Variants in CHST9 observed in about 807,000 individuals in gnomAD.
CHST9 encodes the protein carbohydrate sulfotransferase 9, also known as GalNAc-4-sulfotransferase 2.
Under a neutral mutation model 44.4 loss-of-function variants are expected in CHST9, and 41 were observed. The ratio of observed to expected loss-of-function variants is 0.92; its 90% confidence interval spans 0.72 to 1.20. The LOEUF is 1.20. CHST9 is among the 50% of genes most tolerant of loss of function. The pLI, the probability that CHST9 is intolerant of heterozygous loss-of-function variation, is 0.00. For synonymous variants in CHST9, 171 were observed against 178.4 expected, an observed-to-expected ratio of 0.96 and a Z score of 0.33; for missense variants, 504 against 516.5, an observed-to-expected ratio of 0.98 and a Z score of 0.23.
chr18:27,179,743 C>T (rs887037369), intron 1 of CHST9, among the ~76,000 whole-genome samples: 1 of 151,972 alleles, frequency 6.6e-6, no homozygotes, highest in African/African-American at 2.4e-5. Flanking sequence ...CACCAAAAGC[C>T]GAGCAATTTA....
chr18:27,008,092 G>A (rs372314544), intron 4 of CHST9, among the ~76,000 whole-genome samples: 49 of 152,250 alleles, frequency 3.2e-4, no homozygotes, highest in African/African-American at 8.7e-4. Context: ...TAGGAGGGAC[G>A]ACTCACCACT....
intron 5 of CHST9, among the ~76,000 whole-genome samples, chr18:26,923,472 A>G (rs1451722115): frequency 6.6e-6 from 1 of 152,242 alleles, no homozygotes; most frequent in East Asian, 1.9e-4. Context: ...ATTTGATTGA[A>G]GCAAAGAATA....
intron 1 of CHST9, among the ~76,000 whole-genome samples, chr18:27,184,102 A>C (rs2058935532): frequency 6.6e-6 from 1 of 152,188 alleles, no homozygotes; most frequent in Non-Finnish European, 1.5e-5. Context: ...TTATCAGAAA[A>C]ACTGCGAAAA....
chr18:27,148,217 A>T (rs944503616), intron 1 of CHST9, among the ~76,000 whole-genome samples: 2 of 152,050 alleles, frequency 1.3e-5, no homozygotes, highest in African/African-American at 4.8e-5. Flanking sequence ...ATGGCTGCAT[A>T]GTATTCCATG....
chr18:27,112,134 C>G (rs143642224), intron 2 of CHST9, among the ~76,000 whole-genome samples: 1,925 of 148,114 alleles, frequency 0.013, 46 homozygotes, highest in African/African-American at 0.044. Flanking sequence ...ATTAATAAAA[C>G]ATATAACTAT....
At chr18:27,122,768 GA>G (rs2058385716) in intron 2 of CHST9, among the ~76,000 whole-genome samples, 1 of 152,164 alleles carries the variant, frequency 6.6e-6, no homozygotes, top group Non-Finnish European at 1.5e-5. Flanking sequence ...AAATGTGCAG[GA>G]GTGCCAAGGT....
intron 2 of CHST9, among the ~76,000 whole-genome samples, chr18:27,119,229 G>A (rs575545959): frequency 1.6e-4 from 24 of 152,202 alleles, no homozygotes; most frequent in East Asian, 1.5e-3. Context: ...AATTAATAAT[G>A]TGTTCTTATA....
In CHST9 at chr18:26,916,240, T is replaced by C; in HGVS notation, c.*19A>G. The C allele has an allele frequency of 6.7e-7, 1 of 1,483,680 alleles. No individual in the cohort carries two copies. Among genetic ancestry groups the C allele is most frequent in the South Asian group, 1.2e-5 (1 of 81,614 alleles). 91.9% of individuals were successfully genotyped at this position (1,483,680 alleles called of 1,614,324 possible). On this transcript the variant is annotated 3_prime_UTR_variant, in exon 6 of 6. Coordinates refer to ENST00000618847, the MANE Select transcript of CHST9 (RefSeq NM_031422.6). ...TATCATCATTAAGTATATACAGGGT[T>C]TTAGAAAATGAATGCAAACTACAAA...
At chr18:26,975,734 T>C (rs2056614880) in intron 4 of CHST9, among the ~76,000 whole-genome samples, 1 of 29,632 alleles carries the variant, frequency 3.4e-5, no homozygotes. Flanking sequence ...TGTATATATA[T>C]ATATATATAT....
chr18:26,920,002 A>C (rs1350946531), intron 5 of CHST9, among the ~76,000 whole-genome samples: 2 of 152,086 alleles, frequency 1.3e-5, no homozygotes. Context: ...TGTTCTCCTT[A>C]AGTCTCCCTT....
chr18:27,028,270 A>G (rs1181480226), intron 3 of CHST9, among the ~76,000 whole-genome samples: 2 of 152,144 alleles, frequency 1.3e-5, no homozygotes, highest in Non-Finnish European at 2.9e-5. Context: ...AAAACATTTT[A>G]ATAGAAATAG....
At chr18:27,090,101 G>T (rs757860364) in intron 2 of CHST9, among the ~76,000 whole-genome samples, 2 of 152,074 alleles carry the variant, frequency 1.3e-5, no homozygotes, top group South Asian at 4.2e-4. Context: ...GTGAGCCACC[G>T]CGCCCAGTGT....
At chr18:26,992,284 TAG>T (rs2056826437) in intron 4 of CHST9, among the ~76,000 whole-genome samples, 1 of 131,144 alleles carries the variant, frequency 7.6e-6, no homozygotes, top group Non-Finnish European at 1.7e-5. Flanking sequence ...AAACAGATGC[TAG>T]TGAGCCTTCA....
At chr18:27,152,967 GA>G (rs2058670227) in intron 1 of CHST9, among the ~76,000 whole-genome samples, 1 of 152,136 alleles carries the variant, frequency 6.6e-6, no homozygotes, top group African/African-American at 2.4e-5. Context: ...TGTAAACTAA[GA>G]AGTGCTGAAT....
chr18:27,103,530 G>A (rs2058193155), intron 2 of CHST9, among the ~76,000 whole-genome samples: 1 of 152,212 alleles, frequency 6.6e-6, no homozygotes, highest in South Asian at 2.1e-4. Flanking sequence ...GGCAATCCAG[G>A]TTGCAAATAA....
intron 4 of CHST9, among the ~76,000 whole-genome samples, chr18:27,023,253 T>C (rs557986335): frequency 1.3e-5 from 2 of 152,330 alleles, no homozygotes; most frequent in South Asian, 4.1e-4. Flanking sequence ...ATTACAGATA[T>C]GCATCCCAAA....
chr18:27,087,125 A>G (rs892550422), intron 2 of CHST9, among the ~76,000 whole-genome samples: 11 of 152,206 alleles, frequency 7.2e-5, no homozygotes, highest in African/African-American at 2.4e-4. Flanking sequence ...TAATCATATA[A>G]TAATAAAACT....
rs1324454208 is a variant in CHST9, at chr18:27,060,942, T to A, written c.122-12439A>T. 3.3e-5 allele frequency among the ~76,000 whole-genome samples: 5 copies of A among 152,198 alleles called. No homozygotes were observed. In the East Asian group the frequency reaches 9.6e-4, roughly 29 times the overall value. On this transcript the variant is annotated intron_variant, in intron 2 of 5. Coordinates refer to ENST00000618847, the MANE Select transcript of CHST9 (RefSeq NM_031422.6). Reference sequence around the variant, plus strand: ...ACATCCAGCTATAGGTGAGATGAATTCTGTTGAAGAACTTCATTAAAAGAT... The same window carrying A: ...ACATCCAGCTATAGGTGAGATGAATACTGTTGAAGAACTTCATTAAAAGAT...
intron 2 of CHST9, among the ~76,000 whole-genome samples, chr18:27,084,258 A>G (rs909441547): frequency 6.6e-6 from 1 of 151,928 alleles, no homozygotes. Context: ...GAATTTGGCT[A>G]TGAATCCACC....
Sources: gnomAD v4.1 joint callset for allele counts (sites outside exome capture counted in the v4.1 genomes callset) on GRCh38, gnomAD v4.1.1 for gene constraint, MANE v1.5 for transcripts, NCBI Gene and HGNC (gene_info 2026-07-23, HGNC 2026-07-21) for gene names.